Variants in FAAH2 observed in about 807,000 individuals in gnomAD.
FAAH2 encodes the protein fatty-acid amide hydrolase 2.
FAAH2 carries 60 observed loss-of-function variants against 36.9 expected under a neutral mutation model. That is an observed-to-expected ratio of 1.63 (90% CI 1.32 to 2.02). The LOEUF (loss-of-function observed/expected upper bound fraction) is 2.02, where lower values mean the gene tolerates loss of function less well. Ranked by LOEUF, FAAH2 falls within the 30% of genes most tolerant of loss-of-function variation. The pLI, the probability that FAAH2 is intolerant of heterozygous loss-of-function variation, is 0.00. For synonymous variants in FAAH2, 214 were observed against 143.8 expected (o/e 1.49, Z -3.49); for missense variants, 689 against 397.5 (o/e 1.73, Z -6.23).
chrX:57,346,488 G>A (rs944814773), intron 5 of FAAH2, among the ~76,000 whole-genome samples: 7 of 111,687 alleles, frequency 6.3e-5, no homozygotes, highest in African/African-American at 2.3e-4. Flanking sequence ...TCTCCATCGC[G>A]TTGCTTTGAG....
chrX:57,236,033 T>A, the FAAH2 span, among the ~76,000 whole-genome samples: 4 of 112,314 alleles, frequency 3.6e-5, no homozygotes, highest in Non-Finnish European at 7.5e-5. Context: ...GTAAACAGTA[T>A]GCTACTCTTT....
At chrX:57,157,453 A>C in the FAAH2 span, among the ~76,000 whole-genome samples, 2 of 111,369 alleles carry the variant, frequency 1.8e-5, no homozygotes, top group East Asian at 2.8e-4. Context: ...TGCTCCCTCC[A>C]TGGGCACCAG....
intron 2 of FAAH2, among the ~76,000 whole-genome samples, chrX:57,296,682 G>T (rs1207674384): frequency 9.0e-6 from 1 of 111,380 alleles, no homozygotes; most frequent in Non-Finnish European, 1.9e-5. Flanking sequence ...TTGAACCCAT[G>T]ACAAAGAAGT....
the FAAH2 span, among the ~76,000 whole-genome samples, chrX:57,178,936 A>G: frequency 8.9e-6 from 1 of 112,006 alleles, no homozygotes; most frequent in East Asian, 2.8e-4. Flanking sequence ...TGAATCAGAA[A>G]ACATACAAGC....
At chrX:57,340,304 G>A (rs756906455) in intron 4 of FAAH2, among the ~76,000 whole-genome samples, 14 of 111,400 alleles carry the variant, frequency 1.3e-4, no homozygotes, top group Non-Finnish European at 2.6e-4. Flanking sequence ...GTTGTGACTG[G>A]GGATGGGCCT....
At chrX:57,265,861 C>T in the FAAH2 span, among the ~76,000 whole-genome samples, 61 of 111,808 alleles carry the variant, frequency 5.5e-4, no homozygotes, top group African/African-American at 1.4e-3. Flanking sequence ...TGCTTTTTTA[C>T]GTGGTTCCCT....
the FAAH2 span, among the ~76,000 whole-genome samples, chrX:57,181,974 GA>G: frequency 9.0e-6 from 1 of 110,845 alleles, no homozygotes; most frequent in African/African-American, 3.3e-5. Context: ...ACAAGCAATA[GA>G]AAAAAAACCC....
At chrX:57,372,484 C>A (rs1358712440) in intron 5 of FAAH2, among the ~76,000 whole-genome samples, 2 of 110,584 alleles carry the variant, frequency 1.8e-5, no homozygotes, top group African/African-American at 3.3e-5. Context: ...GTCTTGTTCA[C>A]TTTTTCATGG....
intron 10 of FAAH2, among the ~76,000 whole-genome samples, chrX:57,461,298 A>C (rs1214640023): frequency 2.7e-5 from 3 of 111,811 alleles, no homozygotes; most frequent in African/African-American, 9.8e-5. Flanking sequence ...CTCTGAACCA[A>C]GCAAACCTAA....
chrX:57,435,700 AT>A (rs2147126582), intron 8 of FAAH2, among the ~76,000 whole-genome samples: 1 of 111,357 alleles, frequency 9.0e-6, no homozygotes, highest in Admixed American at 9.6e-5. Context: ...CATAAAACAA[AT>A]ATTACTACAT....
chrX:57,141,796 A>G, the FAAH2 span, among the ~76,000 whole-genome samples: 1 of 109,635 alleles, frequency 9.1e-6, no homozygotes, highest in Non-Finnish European at 1.9e-5. Context: ...TTTTTTTTAA[A>G]TGTTACTTTA....
chrX:57,370,077 G>A (rs946346913), intron 5 of FAAH2, among the ~76,000 whole-genome samples: 1 of 111,086 alleles, frequency 9.0e-6, no homozygotes, highest in Non-Finnish European at 1.9e-5. Flanking sequence ...ATATAAGAAA[G>A]GGGAAGGAAT....
intron 4 of FAAH2, among the ~76,000 whole-genome samples, chrX:57,339,186 C>T (rs745819475): frequency 8.9e-6 from 1 of 111,830 alleles, no homozygotes; most frequent in South Asian, 3.7e-4. Context: ...TTTAATAATT[C>T]GTGCTGGGAG....
chrX:57,150,075 A>G, the FAAH2 span, among the ~76,000 whole-genome samples: 1 of 111,810 alleles, frequency 8.9e-6, no homozygotes, highest in Admixed American at 9.5e-5. Context: ...CGGTTTTGAG[A>G]GCGTTTCTTA....
chrX:57,181,652 G>A, the FAAH2 span, among the ~76,000 whole-genome samples: 1 of 111,236 alleles, frequency 9.0e-6, no homozygotes, highest in African/African-American at 3.3e-5. Context: ...TGGCTATTTG[G>A]CCCAAATTCA....
chrX:57,357,825 C>T (rs2054196159), intron 5 of FAAH2, among the ~76,000 whole-genome samples: 1 of 111,230 alleles, frequency 9.0e-6, no homozygotes, highest in Non-Finnish European at 1.9e-5. Flanking sequence ...CCCAGCAATC[C>T]TTTTACTGGG....
the FAAH2 span, among the ~76,000 whole-genome samples, chrX:57,276,020 A>T: frequency 2.7e-5 from 3 of 111,678 alleles, no homozygotes; most frequent in African/African-American, 9.8e-5. Flanking sequence ...TCAATGAGAC[A>T]GAAGGTTAAC....
At chrX:57,316,157 G>A (rs745445426) in intron 3 of FAAH2, among the ~76,000 whole-genome samples, 1 of 110,857 alleles carries the variant, frequency 9.0e-6, no homozygotes, top group South Asian at 3.8e-4. Flanking sequence ...GGAATACCTA[G>A]GAATAGAGCT....
intron 3 of FAAH2, among the ~76,000 whole-genome samples, chrX:57,323,964 A>G (rs1203029336): frequency 5.4e-5 from 6 of 110,974 alleles, no homozygotes; most frequent in Non-Finnish European, 1.1e-4. Flanking sequence ...TAGGGTTTTT[A>G]TGGTTTTAGG....
Sources: gnomAD v4.1 joint callset for allele counts (sites outside exome capture counted in the v4.1 genomes callset) on GRCh38, gnomAD v4.1.1 for gene constraint, MANE v1.5 for transcripts, NCBI Gene and HGNC (gene_info 2026-07-23, HGNC 2026-07-21) for gene names.